MGAT4C: variants seen among roughly 807,000 people sequenced by gnomAD.
The protein encoded by MGAT4C is alpha-1,3-mannosyl-glycoprotein 4-beta-N-acetylglucosaminyltransferase C.
Under a neutral mutation model 40.1 loss-of-function variants are expected in MGAT4C, and 19 were observed. The observed-to-expected ratio is 0.47, with a 90% confidence interval of 0.33 to 0.70. The LOEUF (loss-of-function observed/expected upper bound fraction) is 0.70. MGAT4C is among the 30% of genes least tolerant of loss of function. The pLI, the probability that MGAT4C is intolerant of heterozygous loss-of-function variation, is 0.02. For synonymous variants in MGAT4C, 181 were observed against 187.1 expected (o/e 0.97, Z 0.27); for missense variants, 491 against 563.2 (o/e 0.87, Z 1.30).
At chr12:86,315,621 G>A (rs1214968882) in intron 4 of MGAT4C, among the ~76,000 whole-genome samples, 6 of 152,124 alleles carry the variant, frequency 3.9e-5, no homozygotes, top group Non-Finnish European at 7.4e-5. Context: ...CAGGAGAATG[G>A]CATGAACCCG....
chr12:86,351,712 A>C (rs1227703317), intron 3 of MGAT4C, among the ~76,000 whole-genome samples: 1 of 152,080 alleles, frequency 6.6e-6, no homozygotes, highest in African/African-American at 2.4e-5. Context: ...ATTGTTAAAC[A>C]ATCTAAATAT....
chr12:86,155,889 C>A (rs1230364794), intron 1 of MGAT4C, among the ~76,000 whole-genome samples: 1 of 152,092 alleles, frequency 6.6e-6, no homozygotes, highest in Non-Finnish European at 1.5e-5. Context: ...AGGCCATTTT[C>A]CAACTCTGTA....
At chr12:86,580,258 A>T (rs543157389) in intron 2 of MGAT4C, among the ~76,000 whole-genome samples, 20 of 151,606 alleles carry the variant, frequency 1.3e-4, no homozygotes, top group African/African-American at 4.3e-4. Flanking sequence ...TATCATACCT[A>T]CATGCTATAT....
At chr12:86,324,214 CT>C (rs1189558980) in intron 4 of MGAT4C, among the ~76,000 whole-genome samples, 3 of 151,754 alleles carry the variant, frequency 2.0e-5, no homozygotes, top group East Asian at 1.9e-4. Context: ...AGTTATCTAT[CT>C]TACAAATTTA....
chr12:86,737,571 C>T (rs985976593), intron 1 of MGAT4C, among the ~76,000 whole-genome samples: 1 of 151,250 alleles, frequency 6.6e-6, no homozygotes, highest in East Asian at 1.9e-4. Flanking sequence ...AGTACCGATG[C>T]CTTTCAAATT....
intron 1 of MGAT4C, among the ~76,000 whole-genome samples, chr12:86,819,333 G>C (rs1952665435): frequency 6.6e-6 from 1 of 150,844 alleles, no homozygotes; most frequent in African/African-American, 2.4e-5. Flanking sequence ...CTGTGGTGTA[G>C]TATAGGTTGC....
chr12:86,025,941 T>C (rs1045803748), intron 2 of MGAT4C, among the ~76,000 whole-genome samples: 13 of 151,758 alleles, frequency 8.6e-5, no homozygotes, highest in Non-Finnish European at 1.9e-4. Context: ...TACATACATA[T>C]ATGTTTTTAA....
chr12:86,482,595 G>C (rs573256996), intron 2 of MGAT4C, among the ~76,000 whole-genome samples: 1 of 151,820 alleles, frequency 6.6e-6, no homozygotes, highest in Non-Finnish European at 1.5e-5. Context: ...ATTTATTCTC[G>C]AGAAAGTATT....
intron 1 of MGAT4C, among the ~76,000 whole-genome samples, chr12:86,837,427 C>T (rs1021524203): frequency 1.3e-5 from 2 of 152,004 alleles, no homozygotes; most frequent in African/African-American, 4.8e-5. Context: ...CTTTCAAATG[C>T]TCCAAAGAAA....
chr12:86,563,755 T>C (rs184778591), intron 2 of MGAT4C, among the ~76,000 whole-genome samples: 1 of 152,152 alleles, frequency 6.6e-6, no homozygotes, highest in East Asian at 1.9e-4. Flanking sequence ...ACCCAAAAGG[T>C]TATTGTGGTC....
intron 1 of MGAT4C, among the ~76,000 whole-genome samples, chr12:86,086,231 C>G (rs1240341426): frequency 6.6e-6 from 1 of 152,052 alleles, no homozygotes; most frequent in African/African-American, 2.4e-5. Context: ...GAGTTCATGT[C>G]TTTTGCAAGG....
At chr12:86,554,898 G>A (rs1379088473) in intron 2 of MGAT4C, among the ~76,000 whole-genome samples, 1 of 152,126 alleles carries the variant, frequency 6.6e-6, no homozygotes, top group Non-Finnish European at 1.5e-5. Context: ...GGAAGTTCTA[G>A]AGGAGAATTC....
At chr12:86,713,024 C>G (rs1187013536) in intron 2 of MGAT4C, among the ~76,000 whole-genome samples, 1 of 152,086 alleles carries the variant, frequency 6.6e-6, no homozygotes, top group Non-Finnish European at 1.5e-5. Flanking sequence ...TATTCTGAAA[C>G]TGTCTGTAGA....
At chr12:86,145,324 G>T (rs1883372463) in intron 1 of MGAT4C, among the ~76,000 whole-genome samples, 2 of 152,030 alleles carry the variant, frequency 1.3e-5, no homozygotes, top group Admixed American at 1.3e-4. Flanking sequence ...TGCAGTTCTG[G>T]CAATCAGTAC....
intron 1 of MGAT4C, among the ~76,000 whole-genome samples, chr12:86,765,176 C>A (rs1052960347): frequency 1.3e-5 from 2 of 152,126 alleles, no homozygotes; most frequent in African/African-American, 4.8e-5. Context: ...CTTAAAGGAG[C>A]TGATGGAGCT....
At chr12:86,205,529 A>T in intron 1 of MGAT4C, among the ~76,000 whole-genome samples, 1 of 151,804 alleles carries the variant, frequency 6.6e-6, no homozygotes, top group South Asian at 2.1e-4. Context: ...TAAAAGCAAT[A>T]TTTTTATTGT....
At chr12:86,630,692 A>T (rs1263995196) in intron 2 of MGAT4C, among the ~76,000 whole-genome samples, 1 of 152,212 alleles carries the variant, frequency 6.6e-6, no homozygotes, top group Admixed American at 6.5e-5. Flanking sequence ...GCCTTTGACA[A>T]AATTCAACAA....
At chr12:86,096,460 C>T (rs1401604132) in intron 1 of MGAT4C, among the ~76,000 whole-genome samples, 1 of 138,170 alleles carries the variant, frequency 7.2e-6, no homozygotes, top group Non-Finnish European at 1.6e-5. Context: ...TTAAAAAAAT[C>T]CCCATTCCAT....
intron 1 of MGAT4C, among the ~76,000 whole-genome samples, chr12:86,156,670 T>C (rs572637502): frequency 4.6e-5 from 7 of 152,306 alleles, no homozygotes; most frequent in African/African-American, 1.7e-4. Context: ...ATAGTTTTGG[T>C]TCCAGAGTAT....
Sources: gnomAD v4.1 joint callset for allele counts (sites outside exome capture counted in the v4.1 genomes callset) on GRCh38, gnomAD v4.1.1 for gene constraint, MANE v1.5 for transcripts, NCBI Gene and HGNC (gene_info 2026-07-23, HGNC 2026-07-21) for gene names.